Variants in TBC1D22B observed in about 807,000 individuals in gnomAD.
TBC1D22B encodes the protein chromosome 6 open reading frame 197.
In TBC1D22B, 32 loss-of-function variants were observed where a neutral mutation model predicts 69.1. The ratio of observed to expected loss-of-function variants is 0.46; its 90% CI spans 0.35 to 0.62. TBC1D22B has a LOEUF of 0.62. TBC1D22B is among the 20% of genes least tolerant of loss of function. The pLI, the probability that TBC1D22B is intolerant of heterozygous loss-of-function variation, is 0.00. For missense variants in TBC1D22B, 462 were observed against 630.9 expected (o/e 0.73, Z 2.87); for synonymous variants, 206 against 229.8 (o/e 0.90, Z 0.94).
At chr6:37,291,149 C>A in intron 7 of TBC1D22B, 94 bp from the exon 8 acceptor site, 1 of 899,824 alleles carries the variant, frequency 1.1e-6, no homozygotes, top group South Asian at 1.4e-5. Flanking sequence ...AATTCTACAC[C>A]AACCTGGAGG....
intron 12 of TBC1D22B, among the ~76,000 whole-genome samples, chr6:37,317,430 G>A (rs1202482050): frequency 6.6e-6 from 1 of 152,272 alleles, no homozygotes; most frequent in Admixed American, 6.5e-5. Flanking sequence ...TGGCTGCAGA[G>A]TGACTGGGCA....
chr6:37,292,233 T>C (rs182737971), intron 8 of TBC1D22B, among the ~76,000 whole-genome samples: 85 of 150,214 alleles, frequency 5.7e-4, no homozygotes, highest in Non-Finnish European at 1.1e-3. Context: ...ACTCTGAGGG[T>C]AGTGGATGAT....
At chr6:37,262,982 A>C (rs191263481) in intron 1 of TBC1D22B, among the ~76,000 whole-genome samples, 107 of 152,368 alleles carry the variant, frequency 7.0e-4, no homozygotes, top group African/African-American at 2.5e-3. Flanking sequence ...GCGTGGCAGC[A>C]TATTCCATGG....
At chr6:37,325,799 C>T (rs1188486252) in intron 12 of TBC1D22B, among the ~76,000 whole-genome samples, 2 of 152,168 alleles carry the variant, frequency 1.3e-5, no homozygotes, top group African/African-American at 4.8e-5. Context: ...ATCCACCCAA[C>T]TCTGCCTCCC....
intron 2 of TBC1D22B, among the ~76,000 whole-genome samples, chr6:37,275,639 A>G (rs1299998929): frequency 6.6e-6 from 1 of 152,134 alleles, no homozygotes; most frequent in Non-Finnish European, 1.5e-5. Flanking sequence ...AAAAATACCC[A>G]CCTCATAGGA....
At chr6:37,275,260 G>A (rs751601365) in intron 2 of TBC1D22B, among the ~76,000 whole-genome samples, 1 of 152,180 alleles carries the variant, frequency 6.6e-6, no homozygotes, top group Admixed American at 6.5e-5. Flanking sequence ...AGGAGCCCAT[G>A]CCTAGATGTG....
At chr6:37,309,899 G>T (rs918122360) in intron 8 of TBC1D22B, among the ~76,000 whole-genome samples, 2 of 149,278 alleles carry the variant, frequency 1.3e-5, no homozygotes, top group African/African-American at 2.5e-5. Context: ...TCCTAAGCCG[G>T]GTTTTACAGC....
At chr6:37,285,554 G>A (rs772731420) in intron 6 of TBC1D22B, among the ~76,000 whole-genome samples, 6 of 151,960 alleles carry the variant, frequency 3.9e-5, no homozygotes, top group South Asian at 4.2e-4. Context: ...GTGCAGTGGC[G>A]CAATCTCGGC....
chr6:37,267,482 CTATATATAATATATATACACTATA>C (rs1183346946), intron 1 of TBC1D22B, among the ~76,000 whole-genome samples: 3,907 of 137,932 alleles, frequency 0.028, 187 homozygotes, highest in African/African-American at 0.1. Flanking sequence ...TATATATACA[CTATATATAATATATATACACTATA>C]TATATAATAT....
chr6:37,284,515 A>G, intron 6 of TBC1D22B, 51 bp downstream of exon 6: 2 of 1,517,466 alleles, frequency 1.3e-6, no homozygotes, highest in African/African-American at 1.4e-5. Flanking sequence ...TACTTTAGGT[A>G]TGTCTCATGG....
At chr6:37,264,862 T>G (rs1208912571) in intron 1 of TBC1D22B, among the ~76,000 whole-genome samples, 1 of 152,046 alleles carries the variant, frequency 6.6e-6, no homozygotes, top group Non-Finnish European at 1.5e-5. Context: ...GTTTGGAAGG[T>G]GGAGTGGAGA....
chr6:37,288,700 C>T (rs1453506496), intron 7 of TBC1D22B, among the ~76,000 whole-genome samples: 1 of 149,288 alleles, frequency 6.7e-6, no homozygotes, highest in Non-Finnish European at 1.5e-5. Flanking sequence ...CATGATCGTG[C>T]TACTGCACTC....
Position 37,325,767 on chromosome 6 carries a change from C to T in TBC1D22B, c.1390-5277C>T, listed in dbSNP as rs549890514. On this transcript the variant is annotated intron_variant, in intron 12 of 12. Transcript: ENST00000373491. ...GTTTCACCATGTTAGCCAGGCTGGT[C>T]GCGAACTCCTAAGCTCAGGCAATCC... is the stretch of plus-strand genomic sequence containing the variant. Among the ~76,000 whole-genome samples, 13 of 152,108 alleles carry T rather than the reference C, an allele frequency of 8.5e-5. No individual in the cohort carries two copies. In the South Asian group the frequency reaches 2.5e-3, roughly 29 times the overall value.
intron 9 of TBC1D22B, 59 bp downstream of exon 9, chr6:37,313,083 C>T: frequency 7.4e-7 from 1 of 1,359,752 alleles, no homozygotes; most frequent in South Asian, 1.2e-5. Flanking sequence ...CCCAGCAGGG[C>T]TTTGGTTTCT....
At chr6:37,310,411 G>C (rs1767870041) in intron 8 of TBC1D22B, among the ~76,000 whole-genome samples, 1 of 152,132 alleles carries the variant, frequency 6.6e-6, no homozygotes, top group African/African-American at 2.4e-5. Context: ...GCTCACGCCT[G>C]TAATCCTACC....
chr6:37,267,470 AAT>A (rs1238001764), intron 1 of TBC1D22B, among the ~76,000 whole-genome samples: 3 of 86,514 alleles, frequency 3.5e-5, no homozygotes, highest in African/African-American at 1.4e-4. Context: ...ACATATATAT[AAT>A]ATATATACAC....
intron 8 of TBC1D22B, among the ~76,000 whole-genome samples, chr6:37,308,959 AAAGAC>A (rs1192432737): frequency 1.3e-5 from 2 of 149,182 alleles, no homozygotes; most frequent in Non-Finnish European, 3.0e-5. Flanking sequence ...AAAAAAAAAA[AAAGAC>A]AGTGCCAGTG....
Position 37,285,315 on chromosome 6 carries a change from C to CTTTTTTTT in TBC1D22B, c.801+871_801+878dup, listed in dbSNP as rs756459599. On this transcript the variant is annotated intron_variant, in intron 6 of 12. Coordinates refer to ENST00000373491, the MANE Select transcript of TBC1D22B (RefSeq NM_017772.4). ...GCCAACTCCTTTTGGTCCTTCCCCACTTTTTTTTTTTTTTTTTTTTTTTTT... is the reference window on the plus strand; with the variant it reads ...GCCAACTCCTTTTGGTCCTTCCCCACTTTTTTTTTTTTTTTTTTTTTTTTTTTTTTTTT... Among the ~76,000 whole-genome samples the CTTTTTTTT allele has an allele frequency of 3.9e-4, 29 of 73,560 alleles. 5 individuals carry two copies. The highest frequency in any genetic ancestry group is 8.9e-4 in the Admixed American group (4 of 4,510). The allele number at this position is 73,560 out of a possible 152,430, so 48.3% of individuals were successfully genotyped here. A position where few individuals can be genotyped will look rare whatever the true frequency, so the allele number is the denominator to read the frequency against.
chr6:37,316,554 T>A, intron 10 of TBC1D22B, 149 bp from the exon 11 acceptor site: 1 of 799,302 alleles, frequency 1.3e-6, no homozygotes, highest in East Asian at 2.5e-5. Context: ...GAATCAAACA[T>A]AAAGGACAGT....
Sources: gnomAD v4.1 joint callset for allele counts (sites outside exome capture counted in the v4.1 genomes callset) on GRCh38, gnomAD v4.1.1 for gene constraint, MANE v1.5 for transcripts, NCBI Gene and HGNC (gene_info 2026-07-23, HGNC 2026-07-21) for gene names.